Variants in HSD17B12 observed in about 807,000 individuals in gnomAD.
HSD17B12 encodes the protein hydroxysteroid 17-beta dehydrogenase 12, also known as very-long-chain 3-oxoacyl-CoA reductase.
HSD17B12 carries 32 observed loss-of-function variants against 39.3 expected under a neutral mutation model. The ratio of observed to expected loss-of-function variants is 0.81; its 90% CI spans 0.61 to 1.09. The LOEUF (loss-of-function observed/expected upper bound fraction) is 1.09. Among genes scored for constraint, HSD17B12 ranks in the 50% least tolerant of loss-of-function variants. HSD17B12 has a pLI of 0.00. For synonymous variants in HSD17B12, 150 were observed against 146.7 expected (o/e 1.02, Z -0.16); for missense variants, 342 against 382.9 (o/e 0.89, Z 0.89).
chr11:43,758,673 G>A (rs1034953576), intron 3 of HSD17B12, among the ~76,000 whole-genome samples: 26 of 152,124 alleles, frequency 1.7e-4, no homozygotes, highest in Admixed American at 3.9e-4. Context: ...TGAACTTGCC[G>A]TTTTTATTCT....
At chr11:43,756,518 A>G (rs1021432932) in intron 3 of HSD17B12, among the ~76,000 whole-genome samples, 2 of 152,162 alleles carry the variant, frequency 1.3e-5, no homozygotes, top group African/African-American at 2.4e-5. Context: ...GTAGTCTTGT[A>G]TATAATAACT....
chr11:43,766,430 C>T (rs780511075), intron 3 of HSD17B12, among the ~76,000 whole-genome samples: 1 of 152,088 alleles, frequency 6.6e-6, no homozygotes, highest in Non-Finnish European at 1.5e-5. Flanking sequence ...TATATTTTGT[C>T]CATTTTTGTT....
At chr11:43,704,836 G>C (rs538225699) in intron 1 of HSD17B12, among the ~76,000 whole-genome samples, 12 of 152,304 alleles carry the variant, frequency 7.9e-5, no homozygotes, top group African/African-American at 2.6e-4. Context: ...ACTGGGGAAA[G>C]AACCAACACA....
At chr11:43,568,289 G>A in the HSD17B12 span, among the ~76,000 whole-genome samples, 18 of 152,182 alleles carry the variant, frequency 1.2e-4, no homozygotes, top group Non-Finnish European at 2.4e-4. Context: ...TTTTAGTAGA[G>A]AAAGGGTTTC....
chr11:43,572,717 C>T, the HSD17B12 span, among the ~76,000 whole-genome samples: 2 of 152,154 alleles, frequency 1.3e-5, no homozygotes, highest in African/African-American at 4.8e-5. Flanking sequence ...TTAAATAAAG[C>T]TTCTTATGTA....
chr11:43,826,806 A>C (rs890631396), intron 6 of HSD17B12, among the ~76,000 whole-genome samples: 11 of 152,218 alleles, frequency 7.2e-5, no homozygotes, highest in Non-Finnish European at 1.2e-4. Flanking sequence ...CAAATTACAC[A>C]GTTTGCCAAA....
the HSD17B12 span, chr11:43,673,462 T>TTTTC: frequency 8.3e-6 from 1 of 119,774 alleles, no homozygotes; most frequent in Non-Finnish European, 1.6e-5. Context: ...TCCTTTAGTC[T>TTTTC]TTTTCTTTTC....
At chr11:43,782,048 C>T (rs1465774146) in intron 3 of HSD17B12, among the ~76,000 whole-genome samples, 1 of 152,158 alleles carries the variant, frequency 6.6e-6, no homozygotes, top group African/African-American at 2.4e-5. Flanking sequence ...ATTTGATACA[C>T]TTTCTGGGAA....
the HSD17B12 span, among the ~76,000 whole-genome samples, chr11:43,613,420 C>T: frequency 2.0e-5 from 3 of 149,016 alleles, no homozygotes; most frequent in African/African-American, 7.4e-5. Flanking sequence ...ACAACAACAA[C>T]AAAAAAAAAC....
intron 1 of HSD17B12, among the ~76,000 whole-genome samples, chr11:43,703,212 T>C (rs78464802): frequency 6.6e-6 from 1 of 152,194 alleles, no homozygotes. Context: ...TCTTTTTTTT[T>C]GAGACGGAGT....
At chr11:43,792,651 A>G (rs986470186) in intron 3 of HSD17B12, among the ~76,000 whole-genome samples, 7 of 146,762 alleles carry the variant, frequency 4.8e-5, no homozygotes, top group Admixed American at 2.0e-4. Context: ...TGTATGACAG[A>G]TGGAGGAACT....
chr11:43,832,762 G>C (rs1744594354), intron 7 of HSD17B12, among the ~76,000 whole-genome samples: 1 of 152,170 alleles, frequency 6.6e-6, no homozygotes, highest in Non-Finnish European at 1.5e-5. Flanking sequence ...GGGCGCAGTG[G>C]TTCACGCCTA....
intron 1 of HSD17B12, among the ~76,000 whole-genome samples, chr11:43,715,476 C>T (rs980267606): frequency 6.6e-6 from 1 of 152,058 alleles, no homozygotes; most frequent in Non-Finnish European, 1.5e-5. Flanking sequence ...GGATGAAGCC[C>T]ACTTGATCAT....
chr11:43,597,644 G>A, the HSD17B12 span, among the ~76,000 whole-genome samples: 1 of 152,042 alleles, frequency 6.6e-6, no homozygotes, highest in Non-Finnish European at 1.5e-5. Flanking sequence ...GGTTTGTTTT[G>A]TTTTGTTGTT....
chr11:43,751,089 T>G, intron 2 of HSD17B12, 132 bp downstream of exon 2: 1 of 499,416 alleles, frequency 2.0e-6, no homozygotes, highest in East Asian at 3.4e-5. Context: ...AGATGCTTTT[T>G]GTTTCTACCT....
At chr11:43,560,548 G>A in the HSD17B12 span, among the ~76,000 whole-genome samples, 10 of 152,230 alleles carry the variant, frequency 6.6e-5, no homozygotes, top group African/African-American at 1.7e-4. Flanking sequence ...TGTGTCCCCC[G>A]TCTGTGTAGT....
At chr11:43,653,483 G>A in the HSD17B12 span, among the ~76,000 whole-genome samples, 2 of 152,064 alleles carry the variant, frequency 1.3e-5, no homozygotes, top group African/African-American at 4.8e-5. Flanking sequence ...CCTGTGCCAT[G>A]TTGGTGTGCT....
chr11:43,766,508 C>T (rs1270693927), intron 3 of HSD17B12, among the ~76,000 whole-genome samples: 3 of 152,168 alleles, frequency 2.0e-5, no homozygotes, highest in African/African-American at 4.8e-5. Context: ...TCTGTTACAC[C>T]GTCATGGCCA....
chr11:43,757,781 G>C (rs1203193944), intron 3 of HSD17B12, among the ~76,000 whole-genome samples: 1 of 151,018 alleles, frequency 6.6e-6, no homozygotes, highest in Non-Finnish European at 1.5e-5. Context: ...CAAAGGGCTA[G>C]AGAGATAACA....
Sources: allele counts gnomAD v4.1 joint callset (sites outside exome capture counted in the v4.1 genomes callset), GRCh38; gene constraint gnomAD v4.1.1; transcripts MANE v1.5; gene names NCBI Gene and HGNC (gene_info 2026-07-23, HGNC 2026-07-21).